ZNF710: variants seen among roughly 807,000 people sequenced by gnomAD.
ZNF710 encodes zinc finger protein 710.
A neutral mutation model predicts 50.6 loss-of-function variants in ZNF710; 13 were observed. The observed-to-expected ratio is 0.26, with a 90% CI of 0.17 to 0.41. The LOEUF (loss-of-function observed/expected upper bound fraction) is 0.41, where lower values mean the gene tolerates loss of function less well. ZNF710 is among the 10% of genes least tolerant of loss of function. The pLI is 1.00. For synonymous variants in ZNF710, 383 were observed against 397.0 expected, an observed-to-expected ratio of 0.96 and a Z score of 0.42; for missense variants, 721 against 936.6, an observed-to-expected ratio of 0.77 and a Z score of 3.01.
In ZNF710 at chr15:90,067,495, GAGGTCT is replaced by G; in HGVS notation, c.360_365del (p.Glu120_Tyr122delinsAsp). 1 of 1,613,588 alleles carries G rather than the reference GAGGTCT, an allele frequency of 6.2e-7. No homozygotes were observed. Among genetic ancestry groups the G allele is most frequent in the South Asian group, 1.1e-5 (1 of 91,010 alleles). The stretch of plus-strand genomic sequence containing the variant: ...CGAGAAGGTGGAGGAGGAGGAACAG[GAGGTCT>G]ATGAGGTTTCTGTGCCAGGTGACGA... On this transcript the variant is annotated inframe_deletion, in exon 2 of 5. Transcript: ENST00000268154. The surrounding 1 kb of genome is among the most constrained non-coding windows in gnomAD (Gnocchi z 8.1).
Position 90,034,894 on chromosome 15 carries a change from C to T in ZNF710, c.-28-32216C>T, listed in dbSNP as rs949397106. ...CTTCTGAGTTGCAAGCTCCCAGAAA[C>T]GATGCTGTTAGGACCCTCTGTTCAC... is the stretch of plus-strand genomic sequence containing the variant. On this transcript the variant is annotated intron_variant, in intron 1 of 4. Transcript: ENST00000268154. The surrounding 1 kb of genome is among the most constrained non-coding windows in gnomAD (Gnocchi z 4.0). 3.3e-5 allele frequency among the ~76,000 whole-genome samples: 5 copies of T among 152,322 alleles called. No homozygotes were observed. The highest frequency in any genetic ancestry group is 7.3e-5 in the Non-Finnish European group (5 of 68,034).
intron 1 of ZNF710, among the ~76,000 whole-genome samples, chr15:90,037,842 A>G (rs1158408406): frequency 6.6e-6 from 1 of 152,212 alleles, no homozygotes; most frequent in Admixed American, 6.5e-5. Flanking sequence ...GCCTAAGCAT[A>G]GAGTATTCTA....
intron 1 of ZNF710, among the ~76,000 whole-genome samples, chr15:90,011,834 A>T (rs1354867395): frequency 6.6e-6 from 1 of 152,102 alleles, no homozygotes; most frequent in Non-Finnish European, 1.5e-5. Flanking sequence ...TTTGCTGGGT[A>T]TAAAACATTA....
At chr15:90,061,651 TCCCACCCGAC>T (rs1184194278) in intron 1 of ZNF710, among the ~76,000 whole-genome samples, 1 of 152,076 alleles carries the variant, frequency 6.6e-6, no homozygotes, top group Non-Finnish European at 1.5e-5. Flanking sequence ...GCCACCCTGA[TCCCACCCGAC>T]CCTCCTCTGC....
At chr15:90,036,214 C>T (rs901874414) in intron 1 of ZNF710, among the ~76,000 whole-genome samples, 14 of 151,290 alleles carry the variant, frequency 9.3e-5, no homozygotes, top group African/African-American at 3.1e-4. Context: ...CTCCTTTCTT[C>T]CCCTCCACTC....
chr15:90,038,197 C>A (rs1213354736), intron 1 of ZNF710, among the ~76,000 whole-genome samples: 2 of 152,222 alleles, frequency 1.3e-5, no homozygotes, highest in African/African-American at 4.8e-5. Context: ...GCCCCTCTCT[C>A]TATCACCAGT....
intron 4 of ZNF710, 183 bp downstream of exon 4, chr15:90,074,473 T>TC: frequency 6.5e-7 from 1 of 1,530,388 alleles, no homozygotes; most frequent in Non-Finnish European, 8.7e-7. Context: ...GATATTTATG[T>TC]CTTCTTCAAA....
intron 1 of ZNF710, among the ~76,000 whole-genome samples, chr15:90,058,802 A>G (rs1001538901): frequency 6.6e-6 from 1 of 151,960 alleles, no homozygotes; most frequent in Non-Finnish European, 1.5e-5. Flanking sequence ...CAAGTCCAAA[A>G]TCTGCAGGGC....
chr15:90,031,573 C>CT (rs1173873461), intron 1 of ZNF710, among the ~76,000 whole-genome samples: 3 of 152,236 alleles, frequency 2.0e-5, no homozygotes, highest in Non-Finnish European at 2.9e-5. Flanking sequence ...CTTTGCACAG[C>CT]ACTTGCCCCA....
At chr15:90,004,491 C>A (rs551762255) in intron 1 of ZNF710, among the ~76,000 whole-genome samples, 2 of 152,182 alleles carry the variant, frequency 1.3e-5, no homozygotes, top group African/African-American at 4.8e-5. Context: ...GCCTAGCCCG[C>A]GGCAGGACTC....
rs398028304 is a variant in ZNF710, at chr15:90,034,428, C to CTGTGTGTGTGTGTGTGTGTGTG, written c.-28-32656_-28-32635dup. Among the ~76,000 whole-genome samples the CTGTGTGTGTGTGTGTGTGTGTG allele has an allele frequency of 1.5e-5, 2 of 136,194 alleles. No individual in the cohort carries two copies. The highest frequency in any genetic ancestry group is 3.2e-5 in the Non-Finnish European group (2 of 62,212). The allele number at this position is 136,194 out of a possible 152,430, so 89.3% of individuals were successfully genotyped here. A position where few individuals can be genotyped will look rare whatever the true frequency, so the allele number is the denominator to read the frequency against. On this transcript the variant is annotated intron_variant, in intron 1 of 4. Coordinates refer to ENST00000268154, the MANE Select transcript of ZNF710 (RefSeq NM_198526.4). The surrounding 1 kb of genome is among the most constrained non-coding windows in gnomAD (Gnocchi z 4.0). Reference sequence around the variant, plus strand: ...AGCTGTCCTTCCTGTTTCCAAATTCCTGTGTGTGTGTGTGTGTGTGTGTGT... The same window carrying CTGTGTGTGTGTGTGTGTGTGTG: ...AGCTGTCCTTCCTGTTTCCAAATTCCTGTGTGTGTGTGTGTGTGTGTGTGTGTGTGTGTGTGTGTGTGTGTGT...
intron 1 of ZNF710, among the ~76,000 whole-genome samples, chr15:90,015,327 A>C (rs965518020): frequency 1.3e-5 from 2 of 152,214 alleles, no homozygotes; most frequent in East Asian, 3.8e-4. Context: ...TGGGGAACAG[A>C]TACTCTCATA....
chr15:90,057,631 AG>A (rs1899862611), intron 1 of ZNF710, among the ~76,000 whole-genome samples: 1 of 151,608 alleles, frequency 6.6e-6, no homozygotes, highest in African/African-American at 2.4e-5. Context: ...CAGAAGGTGG[AG>A]GTTGCAGTGA....
At chr15:90,074,877 C>T (rs1900539149) in intron 4 of ZNF710, 1 of 269,246 alleles carries the variant, frequency 3.7e-6, no homozygotes, top group Non-Finnish European at 7.2e-6. Context: ...GCAACCAAGG[C>T]AAAAAAGTGT....
chr15:90,028,117 T>C (rs1000627006), intron 1 of ZNF710, among the ~76,000 whole-genome samples: 2 of 152,216 alleles, frequency 1.3e-5, no homozygotes, highest in African/African-American at 4.8e-5. Context: ...GATTTTATTA[T>C]GAAAGAATTT....
At chr15:90,047,776 G>C (rs112107110) in intron 1 of ZNF710, among the ~76,000 whole-genome samples, 1 of 151,588 alleles carries the variant, frequency 6.6e-6, no homozygotes, top group Non-Finnish European at 1.5e-5. Flanking sequence ...TAGTAGAGGC[G>C]GCATTTCACC....
At chr15:90,061,783 G>A (rs901872830) in intron 1 of ZNF710, among the ~76,000 whole-genome samples, 1 of 152,184 alleles carries the variant, frequency 6.6e-6, no homozygotes, top group Admixed American at 6.5e-5. Context: ...CCAGCAGGTA[G>A]GTCAATAGTT....
rs377119436 is a variant in ZNF710, at chr15:90,081,324, C to A, written c.*1495C>A. 58 of 149,340 alleles carry A rather than the reference C, an allele frequency of 3.9e-4. 1 individual carries two copies. In the Middle Eastern group the frequency reaches 0.014, roughly 35 times the overall value. 9.3% of individuals were successfully genotyped at this position (149,340 alleles called of 1,614,324 possible). On this transcript the variant is annotated 3_prime_UTR_variant, in exon 5 of 5. Coordinates refer to ENST00000268154, the MANE Select transcript of ZNF710 (RefSeq NM_198526.4). ...ATTCAGGAACTCTAGGGCACCCGGA[C>A]CCCCCCACCCACTTGCCTCCTGAGG...
At chr15:90,027,808 T>A (rs1898822849) in intron 1 of ZNF710, among the ~76,000 whole-genome samples, 1 of 150,290 alleles carries the variant, frequency 6.7e-6, no homozygotes, top group Non-Finnish European at 1.5e-5. Flanking sequence ...ATTGTGCCAC[T>A]GTACTCTAGC....
Sources: allele counts gnomAD v4.1 joint callset (sites outside exome capture counted in the v4.1 genomes callset), GRCh38; gene constraint gnomAD v4.1.1; non-coding constraint Gnocchi (gnomAD v3.1); transcripts MANE v1.5; gene names NCBI Gene and HGNC (gene_info 2026-07-23, HGNC 2026-07-21).